EPHB1: variants seen among roughly 807,000 people sequenced by gnomAD.
EPHB1 encodes EPH receptor B1, also known as ephrin type-B receptor 1.
A neutral mutation model predicts 94.4 loss-of-function variants in EPHB1; 30 were observed. The observed-to-expected ratio is 0.32, with a 90% CI of 0.24 to 0.43. The LOEUF (loss-of-function observed/expected upper bound fraction) is 0.43, where lower values mean the gene tolerates loss of function less well. EPHB1 is among the 20% of genes least tolerant of loss of function. The pLI is 1.00. For synonymous variants in EPHB1, 522 were observed against 489.1 expected, an observed-to-expected ratio of 1.07 and a Z score of -0.89; for missense variants, 1,055 against 1,308.3, an observed-to-expected ratio of 0.81 and a Z score of 2.99.
At chr3:135,220,189 A>G (rs1019335271) in intron 12 of EPHB1, among the ~76,000 whole-genome samples, 5 of 152,190 alleles carry the variant, frequency 3.3e-5, no homozygotes, top group Admixed American at 6.5e-5. Context: ...AGTGAGTCCA[A>G]GTCAAAGCAA....
chr3:135,006,793 C>T (rs530698951), intron 3 of EPHB1, among the ~76,000 whole-genome samples: 1 of 151,582 alleles, frequency 6.6e-6, no homozygotes, highest in South Asian at 2.1e-4. Flanking sequence ...AAAGTGTATG[C>T]ATTTTAAATT....
rs147992927 is a variant in EPHB1 at position 134,946,771 on chromosome 3, C to T, written c.124-4600C>T. On this transcript the variant is annotated intron_variant, in intron 2 of 15. Transcript: ENST00000398015. ...CTGGCATCTCTCTTGCTCCCTCTCT[C>T]ACCATGTGACATGCCTGCTCCTCCA... Among the ~76,000 whole-genome samples, 243 of 126,404 alleles carry T rather than the reference C, an allele frequency of 1.9e-3. 1 individual carries two copies. Among genetic ancestry groups the T allele is most frequent in the Middle Eastern group, 0.019 (5 of 262 alleles). The allele number at this position is 126,404 out of a possible 152,430, so 82.9% of individuals were successfully genotyped here.
At chr3:135,089,883 C>T (rs1320881449) in intron 3 of EPHB1, among the ~76,000 whole-genome samples, 2 of 152,180 alleles carry the variant, frequency 1.3e-5, no homozygotes, top group Non-Finnish European at 2.9e-5. Context: ...ACGTGCTGAG[C>T]CTTCAGTTCA....
rs190552591 is a variant in EPHB1, at chr3:135,042,216, C to T, written c.806-64232C>T. On this transcript the variant is annotated intron_variant, in intron 3 of 15. Transcript: ENST00000398015. ...CAAAGTGTTGGTGCTATGGTATGAG[C>T]CACCATACCCGGCCTCATCTTTTTA... 3.2e-4 allele frequency among the ~76,000 whole-genome samples: 48 copies of T among 152,262 alleles called. No individual in the cohort carries two copies. In the Middle Eastern group the frequency reaches 0.024, roughly 76 times the overall value.
chr3:135,175,720 G>A (rs939114250), intron 9 of EPHB1, among the ~76,000 whole-genome samples: 9 of 151,886 alleles, frequency 5.9e-5, no homozygotes, highest in East Asian at 3.9e-4. Flanking sequence ...AGCATTGTAC[G>A]GATTACTATA....
intron 12 of EPHB1, among the ~76,000 whole-genome samples, chr3:135,221,532 C>T (rs368914400): frequency 2.8e-3 from 420 of 152,222 alleles, no homozygotes; most frequent in African/African-American, 9.1e-3. Flanking sequence ...CATAATAAGT[C>T]CCAGGAGCTC....
chr3:134,823,561 T>C (rs532056765), intron 1 of EPHB1, among the ~76,000 whole-genome samples: 25 of 152,310 alleles, frequency 1.6e-4, no homozygotes, highest in Non-Finnish European at 3.7e-4. Flanking sequence ...GGCTACGCAC[T>C]ATCATTTCCA....
chr3:134,812,962 C>G (rs1203619442), intron 1 of EPHB1, among the ~76,000 whole-genome samples: 1 of 152,172 alleles, frequency 6.6e-6, no homozygotes, highest in Admixed American at 6.5e-5. Context: ...CTGCTTTCAA[C>G]ATGGACGGTT....
At chr3:135,256,912 A>ATTTC (rs1297120478) in intron 15 of EPHB1, among the ~76,000 whole-genome samples, 2 of 146,906 alleles carry the variant, frequency 1.4e-5, no homozygotes, top group East Asian at 3.9e-4. Context: ...GGCTTTGCTC[A>ATTTC]TTTCTTTTTA....
At chr3:134,962,275 A>G (rs572502350) in intron 3 of EPHB1, among the ~76,000 whole-genome samples, 1 of 152,314 alleles carries the variant, frequency 6.6e-6, no homozygotes, top group African/African-American at 2.4e-5. Context: ...CAAGCATTCC[A>G]GTAGAATGCA....
intron 1 of EPHB1, among the ~76,000 whole-genome samples, chr3:134,909,574 C>T (rs987319706): frequency 1.3e-5 from 2 of 152,152 alleles, no homozygotes; most frequent in Non-Finnish European, 2.9e-5. Flanking sequence ...AAATCTGGAT[C>T]CCATCATGTC....
intron 1 of EPHB1, among the ~76,000 whole-genome samples, chr3:134,872,853 C>T (rs73214902): frequency 0.059 from 9,010 of 152,238 alleles, 280 homozygotes; most frequent in South Asian, 0.11. Flanking sequence ...TTATTTTTCC[C>T]GGTATCCCTT....
At chr3:134,884,419 C>A (rs2037821633) in intron 1 of EPHB1, among the ~76,000 whole-genome samples, 2 of 152,324 alleles carry the variant, frequency 1.3e-5, no homozygotes, top group African/African-American at 4.8e-5. Flanking sequence ...GTACAACTTT[C>A]TTTTAACTCT....
intron 13 of EPHB1, among the ~76,000 whole-genome samples, chr3:135,247,597 G>A (rs1364935014): frequency 1.3e-5 from 2 of 152,116 alleles, no homozygotes; most frequent in Non-Finnish European, 2.9e-5. Context: ...TGTACTTAAC[G>A]TTCCTAAAAT....
At chr3:135,200,850 T>C (rs1942733259) in intron 11 of EPHB1, among the ~76,000 whole-genome samples, 1 of 152,166 alleles carries the variant, frequency 6.6e-6, no homozygotes. Context: ...AGCGGAGAAC[T>C]GAAGGGCAAG....
chr3:134,897,265 C>T (rs945061076), intron 1 of EPHB1, among the ~76,000 whole-genome samples: 5 of 150,596 alleles, frequency 3.3e-5, no homozygotes, highest in Admixed American at 2.0e-4. Flanking sequence ...AGGGATACCC[C>T]AATCCCAGAT....
intron 12 of EPHB1, among the ~76,000 whole-genome samples, chr3:135,230,609 T>TTTTAC (rs1436599102): frequency 2.0e-5 from 3 of 152,192 alleles, no homozygotes; most frequent in Non-Finnish European, 4.4e-5. Context: ...TAATTTTGGC[T>TTTTAC]TTTACTTTAG....
chr3:135,130,322 G>A (rs1035394103), intron 4 of EPHB1, among the ~76,000 whole-genome samples: 6 of 152,306 alleles, frequency 3.9e-5, no homozygotes, highest in African/African-American at 1.2e-4. Flanking sequence ...TGACTACACA[G>A]GTATCAAAGA....
chr3:135,032,202 CT>C (rs1382400702), intron 3 of EPHB1, among the ~76,000 whole-genome samples: 1 of 149,998 alleles, frequency 6.7e-6, no homozygotes, highest in Non-Finnish European at 1.5e-5. Context: ...CTTTCTCAAA[CT>C]TTTGTTAGTA....
Sources: allele counts gnomAD v4.1 joint callset (sites outside exome capture counted in the v4.1 genomes callset), GRCh38; gene constraint gnomAD v4.1.1; transcripts MANE v1.5; gene names NCBI Gene and HGNC (gene_info 2026-07-23, HGNC 2026-07-21).